The following C1GALT1 variants were observed in gnomAD, a reference collection of about 807,000 sequenced individuals.
The protein encoded by C1GALT1 is glycoprotein-N-acetylgalactosamine 3-beta-galactosyltransferase 1.
Under a neutral mutation model 31.0 loss-of-function variants are expected in C1GALT1, and 11 were observed. The ratio of observed to expected loss-of-function variants is 0.36; its 90% CI spans 0.22 to 0.59. The LOEUF (loss-of-function observed/expected upper bound fraction) is 0.59, where lower values mean the gene tolerates loss of function less well. Among genes scored for constraint, C1GALT1 ranks in the 20% least tolerant of loss-of-function variants. The pLI, the probability that C1GALT1 is intolerant of heterozygous loss-of-function variation, is 0.79. For synonymous variants in C1GALT1, 175 were observed against 143.6 expected (o/e 1.22, Z -1.56); for missense variants, 424 against 425.2 (o/e 1.00, Z 0.03).
chr7:7,183,685 C>T (rs76046429), intron 1 of C1GALT1: 2 of 796,904 alleles, frequency 2.5e-6, no homozygotes, highest in Non-Finnish European at 3.0e-6. Context: ...CCCCACCACC[C>T]CGCATTTAAA....
intron 1 of C1GALT1, among the ~76,000 whole-genome samples, chr7:7,228,845 A>G (rs1037551212): frequency 3.3e-5 from 5 of 152,248 alleles, no homozygotes; most frequent in Non-Finnish European, 5.9e-5. Context: ...TCCAGGATAG[A>G]TGCCTTGCTT....
intron 1 of C1GALT1, among the ~76,000 whole-genome samples, chr7:7,187,036 A>C (rs182189969): frequency 6.5e-4 from 99 of 152,304 alleles, no homozygotes; most frequent in African/African-American, 2.3e-3. Context: ...AGGCTAAAGG[A>C]AGGGGAAAGT....
At chr7:7,210,908 C>A (rs1049368410) in intron 1 of C1GALT1, among the ~76,000 whole-genome samples, 1 of 152,152 alleles carries the variant, frequency 6.6e-6, no homozygotes, top group African/African-American at 2.4e-5. Context: ...TGAAAACTTT[C>A]CAAGGACCCC....
intron 1 of C1GALT1, among the ~76,000 whole-genome samples, chr7:7,228,002 G>A (rs892846654): frequency 1.3e-5 from 2 of 152,180 alleles, no homozygotes; most frequent in Non-Finnish European, 2.9e-5. Flanking sequence ...TTAAGAGTCT[G>A]AATTCCTGAT....
At chr7:7,196,141 G>A (rs542045690) in intron 1 of C1GALT1, among the ~76,000 whole-genome samples, 1 of 152,198 alleles carries the variant, frequency 6.6e-6, no homozygotes, top group South Asian at 2.1e-4. Context: ...GTATACATGT[G>A]TCATGTTGGT....
At chr7:7,234,561 A>G (rs372878537) in intron 2 of C1GALT1, 22 bp downstream of exon 2, 33 of 1,549,166 alleles carry the variant, frequency 2.1e-5, no homozygotes, top group Non-Finnish European at 2.7e-5. Flanking sequence ...TTTATTAAGC[A>G]GTAAACATAA....
chr7:7,182,855 C>G (rs1308799478), intron 1 of C1GALT1, 35 bp downstream of exon 1: 6 of 985,334 alleles, frequency 6.1e-6, no homozygotes, highest in Non-Finnish European at 7.2e-6. Flanking sequence ...GGCTACGGGT[C>G]CAAGGTCTCG....
chr7:7,239,825 T>G (rs1279235450), intron 3 of C1GALT1, among the ~76,000 whole-genome samples: 1 of 152,216 alleles, frequency 6.6e-6, no homozygotes, highest in East Asian at 1.9e-4. Context: ...GTTTTTCAGA[T>G]TTTTAAATAA....
chr7:7,238,923 G>T lies in C1GALT1; in HGVS notation c.888+1G>T. 6.3e-7 allele frequency: 1 copy of T among 1,596,402 alleles called. No homozygotes were observed. The highest frequency in any genetic ancestry group is 8.5e-7 in the Non-Finnish European group (1 of 1,173,330). On this transcript the variant is annotated splice_donor_variant, in intron 3 of 3. Transcript: ENST00000436587. LOFTEE classifies it high-confidence loss of function. This position sits in a 1 kb window ranked among gnomAD's most constrained non-coding sequence, Gnocchi z 5.2. Reference sequence around the variant, plus strand: ...TTACAACTATTATCCTCCTGTAGAGGTAAGTTTAGAAATTTTATTACTATG... The same window carrying T: ...TTACAACTATTATCCTCCTGTAGAGTTAAGTTTAGAAATTTTATTACTATG...
chr7:7,212,744 G>A (rs1782063523), intron 1 of C1GALT1, among the ~76,000 whole-genome samples: 1 of 152,046 alleles, frequency 6.6e-6, no homozygotes, highest in South Asian at 2.1e-4. Flanking sequence ...TCACAAGGGC[G>A]GGGAGGAATG....
intron 3 of C1GALT1, among the ~76,000 whole-genome samples, chr7:7,241,508 A>G (rs1368772306): frequency 6.6e-6 from 1 of 151,994 alleles, no homozygotes; most frequent in Non-Finnish European, 1.5e-5. Flanking sequence ...TTATCTTTGC[A>G]TACAAACTCA....
intron 2 of C1GALT1, among the ~76,000 whole-genome samples, chr7:7,161,359 A>G (rs888816186): frequency 1.3e-4 from 20 of 152,170 alleles, no homozygotes; most frequent in African/African-American, 4.3e-4. Flanking sequence ...GATGAAAATC[A>G]CTAACATTTT....
In C1GALT1 at chr7:7,235,139, A is replaced by T. The variant is rs1036442295; in HGVS notation, c.220+600A>T. On this transcript the variant is annotated intron_variant, in intron 2 of 3. Coordinates refer to ENST00000436587, the MANE Select transcript of C1GALT1 (RefSeq NM_020156.5). ...TGTCCTTTAGCTGTTTGTCTGTGTG[A>T]CATCATTAACCCGCATAATTTTAAT... is the stretch of plus-strand genomic sequence containing the variant. The T allele has an allele frequency of 2.0e-5, 3 of 152,242 alleles. No homozygotes were observed. The East Asian group carries it at 5.8e-4, about 29-fold the overall frequency. 9.4% of individuals were successfully genotyped at this position (152,242 alleles called of 1,614,324 possible).
At position 7,238,478 on chromosome 7, in the gene C1GALT1, T is replaced by A. The variant is rs775677218; in HGVS notation, c.444T>A (p.Ile148=). Residue 148 remains isoleucine (I), a synonymous_variant, in exon 3 of 4, where the codon ATT becomes ATA. Coordinates refer to ENST00000436587, the MANE Select transcript of C1GALT1 (RefSeq NM_020156.5). The surrounding 1 kb of genome is among the most constrained non-coding windows in gnomAD (Gnocchi z 5.2). ...GAGATCAACTATACTGGAAAACAAT[T>A]AAAGCTTTTCAGTATGTTCATGAAC... ...EGRDQLYWKT[I]KAFQYVHEHY... is the part of the protein sequence containing the mutation. The A allele has an allele frequency of 1.9e-6, 3 of 1,613,768 alleles. No individual in the cohort carries two copies. The African/African-American group carries it at 4.0e-5, about 22-fold the overall frequency.
upstream of C1GALT1, among the ~76,000 whole-genome samples, chr7:7,178,563 T>G (rs923549692): frequency 6.6e-6 from 1 of 152,194 alleles, no homozygotes; most frequent in Non-Finnish European, 1.5e-5. Context: ...CGTTGTTCTA[T>G]TCACCATGTT....
At chr7:7,214,014 T>A (rs1365185477) in intron 1 of C1GALT1, among the ~76,000 whole-genome samples, 1 of 152,206 alleles carries the variant, frequency 6.6e-6, no homozygotes, top group African/African-American at 2.4e-5. Flanking sequence ...GGGGTAGGGA[T>A]GTTTCCTTAT....
At position 7,234,394 on chromosome 7, in the gene C1GALT1, G is replaced by T; in HGVS notation, c.75G>T (p.Gln25His). ...GSAIGFLLCS[Q>H]LFSILLGEKV... The stretch of plus-strand genomic sequence containing the variant: ...CAATAGGATTTCTTTTATGTTCTCA[G>T]CTATTTAGTATTTTGTTGGGAGAAA... The change falls in exon 2 of 4, where the codon CAG becomes CAT. Residue 25 changes from glutamine (Q) to histidine (H), a missense_variant. By Grantham distance (24) the Gln-to-His change is conservative (BLOSUM62 0). Around this residue, in one of 3 missense-constraint regions of C1GALT1, gnomAD observed 189 missense variants for 158.2 expected, o/e 1.19. Transcript: ENST00000436587. The T allele has an allele frequency of 3.1e-6, 5 of 1,613,892 alleles. No homozygotes were observed. The highest frequency in any genetic ancestry group is 4.2e-6 in the Non-Finnish European group (5 of 1,179,884).
chr7:7,157,661 G>C (rs1341418052), intron 2 of C1GALT1, among the ~76,000 whole-genome samples: 4 of 152,110 alleles, frequency 2.6e-5, no homozygotes, highest in African/African-American at 7.2e-5. Flanking sequence ...TTAGTTAGGT[G>C]TCTATTAGCT....
chr7:7,200,605 C>G (rs1158124844), intron 1 of C1GALT1, among the ~76,000 whole-genome samples: 1 of 152,172 alleles, frequency 6.6e-6, no homozygotes, highest in Non-Finnish European at 1.5e-5. Flanking sequence ...CAGCTTGGTT[C>G]CATTCTCCCT....
Sources: allele counts gnomAD v4.1 joint callset (sites outside exome capture counted in the v4.1 genomes callset), GRCh38; gene constraint gnomAD v4.1.1; regional missense constraint gnomAD v4.1.1; non-coding constraint Gnocchi (gnomAD v3.1); transcripts MANE v1.5; gene names NCBI Gene and HGNC (gene_info 2026-07-23, HGNC 2026-07-21).